Variants in PICALM observed in about 807,000 individuals in gnomAD.
PICALM encodes phosphatidylinositol binding clathrin assembly protein.
Under a neutral mutation model 80.5 loss-of-function variants are expected in PICALM, and 40 were observed. The observed-to-expected ratio is 0.50, with a 90% CI of 0.39 to 0.65. The LOEUF is 0.65. PICALM is among the 30% of genes least tolerant of loss of function. The probability of loss-of-function intolerance (pLI) is 0.00; values close to 1 mark genes in which losing one functional copy is unlikely to be tolerated. For missense variants in PICALM, 676 were observed against 778.9 expected (o/e 0.87, Z 1.57); for synonymous variants, 288 against 260.3 (o/e 1.11, Z -1.02).
intron 18 of PICALM, 41 bp from the exon 19 acceptor site, chr11:85,974,853 T>C: frequency 7.7e-7 from 1 of 1,302,888 alleles, no homozygotes; most frequent in Non-Finnish European, 1.1e-6. Flanking sequence ...GACTCCTATC[T>C]TCCTTATTGT....
intron 12 of PICALM, among the ~76,000 whole-genome samples, chr11:85,992,688 A>G (rs1270901686): frequency 6.6e-6 from 1 of 152,218 alleles, no homozygotes; most frequent in East Asian, 1.9e-4. Flanking sequence ...TCACGCAAAA[A>G]AAGCCATGAA....
chr11:86,069,122 C>T, upstream of PICALM: 1 of 264,100 alleles, frequency 3.8e-6, no homozygotes, highest in South Asian at 8.7e-5. Context: ...CGGGCTGCCC[C>T]GGGTCACGTG....
At chr11:85,972,181 G>A (rs1343657774) in intron 19 of PICALM, among the ~76,000 whole-genome samples, 2 of 152,166 alleles carry the variant, frequency 1.3e-5, no homozygotes, top group African/African-American at 4.8e-5. Flanking sequence ...AAGGTTGAAG[G>A]TTATTACCCA....
chr11:86,036,952 A>C (rs1390439287), intron 1 of PICALM, among the ~76,000 whole-genome samples: 1 of 151,196 alleles, frequency 6.6e-6, no homozygotes, highest in African/African-American at 2.4e-5. Flanking sequence ...AACCAAAAAA[A>C]AAAAATTTTT....
Position 86,007,596 on chromosome 11 carries a change from C to A in PICALM, c.766-13G>T. The A allele has an allele frequency of 7.3e-7, 1 of 1,368,562 alleles. No individual in the cohort carries two copies. Among genetic ancestry groups the A allele is most frequent in the Non-Finnish European group, 1.0e-6 (1 of 984,326 alleles). 84.8% of individuals were successfully genotyped at this position (1,368,562 alleles called of 1,614,324 possible). A position where few individuals can be genotyped will look rare whatever the true frequency, so the allele number is the denominator to read the frequency against. Reference sequence around the variant, plus strand: ...CAATTCCAACTTGCTGTAAGAAAAGCATTGTATTTAATAAATTATAATAAA... The same window carrying A: ...CAATTCCAACTTGCTGTAAGAAAAGAATTGTATTTAATAAATTATAATAAA... On this transcript the variant is annotated splice_polypyrimidine_tract_variant and intron_variant, in intron 7 of 19. Transcript: ENST00000393346.
intron 11 of PICALM, among the ~76,000 whole-genome samples, chr11:86,000,161 G>C (rs2095099183): frequency 6.6e-6 from 1 of 152,170 alleles, no homozygotes; most frequent in Non-Finnish European, 1.5e-5. Context: ...GATTATTAAA[G>C]TTAGTCTGGT....
At chr11:86,026,773 C>T (rs2095655308) in intron 2 of PICALM, among the ~76,000 whole-genome samples, 1 of 152,122 alleles carries the variant, frequency 6.6e-6, no homozygotes, top group South Asian at 2.1e-4. Context: ...CAATAGAGAT[C>T]CTCTTACCCA....
chr11:85,964,934 A>G (rs925697465), intron 19 of PICALM, among the ~76,000 whole-genome samples: 4 of 152,194 alleles, frequency 2.6e-5, no homozygotes, highest in Non-Finnish European at 5.9e-5. Context: ...CAACTGTCCT[A>G]TTTTTAAAAA....
chr11:86,044,568 G>A (rs1038640796), intron 1 of PICALM, among the ~76,000 whole-genome samples: 3 of 60,462 alleles, frequency 5.0e-5, no homozygotes, highest in African/African-American at 1.7e-4. Flanking sequence ...AAAATTACAC[G>A]AGCCATTTAT....
At chr11:85,984,143 T>G in intron 13 of PICALM, among the ~76,000 whole-genome samples, 170 bp from the exon 14 acceptor site, 2 of 152,144 alleles carry the variant, frequency 1.3e-5, no homozygotes, top group East Asian at 3.8e-4. Flanking sequence ...GTGATTGCGT[T>G]TTCCCTAACA....
rs1012129682 is a variant in PICALM, at chr11:86,052,366, T to A, written c.130+16285A>T. 2.0e-4 allele frequency among the ~76,000 whole-genome samples: 31 copies of A among 152,366 alleles called. 1 individual carries two copies. The highest frequency in any genetic ancestry group is 5.2e-4 in the Admixed American group (8 of 15,306). On this transcript the variant is annotated intron_variant, in intron 1 of 19. Coordinates refer to ENST00000393346, the MANE Select transcript of PICALM (RefSeq NM_007166.4). ...AAATTACCCAGTCTTGGGTGTTTCTTCATAGCAGCACGAGAATAGACTAAT... is the reference window on the plus strand; with the variant it reads ...AAATTACCCAGTCTTGGGTGTTTCTACATAGCAGCACGAGAATAGACTAAT...
intron 13 of PICALM, among the ~76,000 whole-genome samples, chr11:85,988,449 A>G (rs773754410): frequency 2.3e-4 from 35 of 152,224 alleles, no homozygotes; most frequent in Admixed American, 4.6e-4. Context: ...TCCTGCATAA[A>G]TAAGTTGTAA....
At chr11:86,063,325 A>G (rs1463942516) in intron 1 of PICALM, among the ~76,000 whole-genome samples, 1 of 151,932 alleles carries the variant, frequency 6.6e-6, no homozygotes, top group Non-Finnish European at 1.5e-5. Context: ...TTAAATTCAA[A>G]GACACCTTTA....
At chr11:85,997,779 T>C (rs1200641746) in intron 11 of PICALM, among the ~76,000 whole-genome samples, 1 of 150,746 alleles carries the variant, frequency 6.6e-6, no homozygotes, top group Non-Finnish European at 1.5e-5. Context: ...CCTCTTTTTT[T>C]GTTGTTGTTT....
chr11:86,068,615 C>T, intron 1 of PICALM, 36 bp downstream of exon 1: 1 of 1,587,196 alleles, frequency 6.3e-7, no homozygotes, highest in Non-Finnish European at 8.6e-7. Context: ...GTCGCGCGGG[C>T]GCCGGGGAGC....
intron 1 of PICALM, among the ~76,000 whole-genome samples, chr11:86,031,977 T>TA (rs1222082287): frequency 1.3e-5 from 2 of 152,208 alleles, no homozygotes; most frequent in African/African-American, 4.8e-5. Context: ...TTCATCTCTT[T>TA]AAAATTAACT....
chr11:85,986,714 G>C (rs1266867011), intron 13 of PICALM, among the ~76,000 whole-genome samples: 1 of 152,114 alleles, frequency 6.6e-6, no homozygotes, highest in African/African-American at 2.4e-5. Context: ...ATTTTTAAAA[G>C]TTATTTAAAA....
At chr11:86,060,725 T>G (rs2137661564) in intron 1 of PICALM, among the ~76,000 whole-genome samples, 1 of 129,166 alleles carries the variant, frequency 7.7e-6, no homozygotes, top group East Asian at 2.2e-4. Context: ...CACAACTAGA[T>G]ATCCACAGGC....
intron 6 of PICALM, 37 bp downstream of exon 6, chr11:86,012,244 A>G: frequency 8.7e-7 from 1 of 1,155,126 alleles, no homozygotes; most frequent in Non-Finnish European, 1.3e-6. Flanking sequence ...CATATGACAC[A>G]AGATAAGAAA....
Sources: allele counts gnomAD v4.1 joint callset (sites outside exome capture counted in the v4.1 genomes callset), GRCh38; gene constraint gnomAD v4.1.1; transcripts MANE v1.5; gene names NCBI Gene and HGNC (gene_info 2026-07-23, HGNC 2026-07-21).